Variants in GLOD4 observed in about 807,000 individuals in gnomAD.
GLOD4 encodes glyoxalase domain-containing protein 4.
GLOD4 carries 44 observed loss-of-function variants against 39.1 expected under a neutral mutation model. That is an observed-to-expected ratio of 1.13 (90% CI 0.88 to 1.45). GLOD4 has a LOEUF of 1.45. Ranked by LOEUF, GLOD4 falls within the 40% of genes most tolerant of loss-of-function variation. GLOD4 has a pLI of 0.00. For synonymous variants in GLOD4, 145 were observed against 135.0 expected, an observed-to-expected ratio of 1.07 and a Z score of -0.52; for missense variants, 405 against 366.4, an observed-to-expected ratio of 1.11 and a Z score of -0.86.
upstream of GLOD4, chr17:783,014 C>G: frequency 6.5e-7 from 1 of 1,539,984 alleles, no homozygotes; most frequent in Non-Finnish European, 8.7e-7. Flanking sequence ...ATTTCTGTTA[C>G]AACTAAGCGT....
intron 4 of GLOD4, among the ~76,000 whole-genome samples, chr17:774,370 G>A (rs886175290): frequency 3.3e-5 from 5 of 152,250 alleles, no homozygotes; most frequent in African/African-American, 7.2e-5. Flanking sequence ...GCAGGCATAC[G>A]TTCACCAAGT....
chr17:771,250 G>T, intron 5 of GLOD4, 75 bp downstream of exon 5: 1 of 884,118 alleles, frequency 1.1e-6, no homozygotes, highest in Non-Finnish European at 1.8e-6. Context: ...ATTTATAAAG[G>T]TTATAAGCCA....
In GLOD4 at chr17:775,132, G is replaced by A. The variant is rs555132820; in HGVS notation, c.406+643C>T. Among the ~76,000 whole-genome samples the A allele has an allele frequency of 9.2e-4, 139 of 150,878 alleles. 1 individual carries two copies. The highest frequency in any genetic ancestry group is 3.3e-3 in the African/African-American group (135 of 41,174). On this transcript the variant is annotated intron_variant, in intron 4 of 8. Coordinates refer to ENST00000301329, the MANE Select transcript of GLOD4 (RefSeq NM_016080.4). ...AAAAAAAAAAAAAAAAAAGCTGAGC[G>A]TGGTGGCAGGCGCCTATAATCCCAG...
chr17:783,097 T>C (rs1248070207), upstream of GLOD4: 1 of 1,612,546 alleles, frequency 6.2e-7, no homozygotes, highest in Non-Finnish European at 8.5e-7. Flanking sequence ...GTAATGACAA[T>C]AGTAAAGTCC....
chr17:779,903 G>A (rs1221677899), intron 1 of GLOD4, among the ~76,000 whole-genome samples: 5 of 152,092 alleles, frequency 3.3e-5, no homozygotes, highest in Non-Finnish European at 4.4e-5. Context: ...GGTGGCTCAC[G>A]CCTGTAATCC....
At chr17:775,332 C>G (rs544657807) in intron 4 of GLOD4, among the ~76,000 whole-genome samples, 44 of 152,130 alleles carry the variant, frequency 2.9e-4, no homozygotes, top group African/African-American at 1.1e-3. Context: ...TGTGGCCCCA[C>G]CTGCTCCTGG....
At chr17:768,981 G>C in intron 8 of GLOD4, among the ~76,000 whole-genome samples, 1 of 152,174 alleles carries the variant, frequency 6.6e-6, no homozygotes, top group Non-Finnish European at 1.5e-5. Context: ...ATTTTTAGAA[G>C]GAGAAATCTG....
At chr17:767,947 G>A (rs1042606719) in intron 8 of GLOD4, among the ~76,000 whole-genome samples, 2 of 146,336 alleles carry the variant, frequency 1.4e-5, no homozygotes. Context: ...GGACGTAAGA[G>A]AGAGAAACAG....
At chr17:771,532 A>T in intron 4 of GLOD4, 71 bp from the exon 5 acceptor site, 1 of 820,960 alleles carries the variant, frequency 1.2e-6, no homozygotes, top group Non-Finnish European at 1.9e-6. Flanking sequence ...AAACATGCGC[A>T]TGTATACTTA....
At chr17:763,306 G>A (rs1366445308) in intron 8 of GLOD4, among the ~76,000 whole-genome samples, 3 of 151,914 alleles carry the variant, frequency 2.0e-5, no homozygotes, top group African/African-American at 4.8e-5. Context: ...TCAAGAGTTC[G>A]AGACCAGCCT....
intron 3 of GLOD4, 57 bp downstream of exon 3, chr17:776,811 T>C (rs1909038006): frequency 2.2e-6 from 3 of 1,367,366 alleles, no homozygotes; most frequent in East Asian, 2.3e-5. Flanking sequence ...TCTACTCAAA[T>C]TTACAACCAG....
rs766782753 is a variant in GLOD4, at chr17:770,159, T to G, written c.631-2A>C. 5.1e-6 allele frequency: 8 copies of G among 1,582,396 alleles called. No homozygotes were observed. Among genetic ancestry groups the G allele is most frequent in the Non-Finnish European group, 6.9e-6 (8 of 1,151,848 alleles). On this transcript the variant is annotated splice_acceptor_variant, in intron 6 of 8. Transcript: ENST00000301329. LOFTEE classifies it high-confidence loss of function. ...CATCAAGTCTTCTAAGTCTGGCAAC[T>G]TGAGGAAAACAGAGGCAACGTGAGC...
intron 1 of GLOD4, among the ~76,000 whole-genome samples, chr17:779,921 T>C (rs535832157): frequency 6.6e-6 from 1 of 152,198 alleles, no homozygotes; most frequent in South Asian, 2.1e-4. Context: ...TCCCAGCACT[T>C]TGGGAGGCCG....
intron 8 of GLOD4, 130 bp from the exon 9 acceptor site, chr17:760,368 C>A (rs373380219): frequency 1.3e-5 from 8 of 609,206 alleles, no homozygotes; most frequent in African/African-American, 9.4e-5. Flanking sequence ...AACCCCCGCT[C>A]CAAAAAAAAG....
intron 1 of GLOD4, among the ~76,000 whole-genome samples, chr17:779,922 T>C (rs1188376721): frequency 6.6e-6 from 1 of 152,110 alleles, no homozygotes; most frequent in African/African-American, 2.4e-5. Flanking sequence ...CCCAGCACTT[T>C]GGGAGGCCGA....
intron 1 of GLOD4, chr17:780,811 G>T (rs562406685): frequency 6.5e-6 from 1 of 152,856 alleles, no homozygotes; most frequent in African/African-American, 2.4e-5. Context: ...CATCACCCAG[G>T]TTGGAAAACC....
intron 8 of GLOD4, among the ~76,000 whole-genome samples, chr17:766,334 G>A (rs372363850): frequency 4.7e-5 from 7 of 149,328 alleles, no homozygotes; most frequent in African/African-American, 1.7e-4. Flanking sequence ...GGTGGCTCAC[G>A]CCTGTAATCC....
chr17:782,806 A>G, upstream of GLOD4: 2 of 1,151,076 alleles, frequency 1.7e-6, no homozygotes, highest in Non-Finnish European at 2.4e-6. Flanking sequence ...TGGTTTTTGT[A>G]TTATGCACAG....
intron 8 of GLOD4, among the ~76,000 whole-genome samples, chr17:767,946 A>C (rs1448354670): frequency 7.0e-6 from 1 of 142,886 alleles, no homozygotes; most frequent in African/African-American, 2.8e-5. Flanking sequence ...AGGACGTAAG[A>C]GAGAGAAACA....
Sources: gnomAD v4.1 joint callset for allele counts (sites outside exome capture counted in the v4.1 genomes callset) on GRCh38, gnomAD v4.1.1 for gene constraint, MANE v1.5 for transcripts, NCBI Gene and HGNC (gene_info 2026-07-23, HGNC 2026-07-21) for gene names.